Variants in EHBP1 observed in about 807,000 individuals in gnomAD.
The protein encoded by EHBP1 is EH domain binding protein 1.
Under a neutral mutation model 144.0 loss-of-function variants are expected in EHBP1, and 55 were observed. The observed-to-expected ratio is 0.38, with a 90% CI of 0.31 to 0.48. EHBP1 has a LOEUF of 0.48. Among genes scored for constraint, EHBP1 ranks in the 20% least tolerant of loss-of-function variants. The pLI, the probability that EHBP1 is intolerant of heterozygous loss-of-function variation, is 0.98. For synonymous variants in EHBP1, 469 were observed against 472.7 expected, an observed-to-expected ratio of 0.99 and a Z score of 0.10; for missense variants, 1,200 against 1,364.2, an observed-to-expected ratio of 0.88 and a Z score of 1.90.
chr2:62,905,765 A>C (rs983656250), intron 10 of EHBP1, among the ~76,000 whole-genome samples: 7 of 152,060 alleles, frequency 4.6e-5, no homozygotes, highest in Non-Finnish European at 1.0e-4. Flanking sequence ...CAGAGGTTGA[A>C]GTGAGCCGAG....
chr2:63,045,293 C>T lies in EHBP1; in HGVS notation c.3392+113C>T, dbSNP rs969756639. ...AGGGCCGGGGCAGCCTCCCACTGGC[C>T]TGGTGCTCCCCATTCCCGCTGGGGA... On this transcript the variant is annotated intron_variant, in intron 22 of 22. Coordinates refer to ENST00000431489, the MANE Select transcript of EHBP1 (RefSeq NM_001142616.3). This position sits in a 1 kb window ranked among gnomAD's most constrained non-coding sequence, Gnocchi z 5.7. The T allele has an allele frequency of 2.9e-6, 4 of 1,358,222 alleles. No individual in the cohort carries two copies. In the African/African-American group the frequency reaches 4.3e-5, roughly 15 times the overall value. 84.1% of individuals were successfully genotyped at this position (1,358,222 alleles called of 1,614,324 possible).
At chr2:63,010,742 A>G (rs569056337) in intron 19 of EHBP1, among the ~76,000 whole-genome samples, 2 of 151,790 alleles carry the variant, frequency 1.3e-5, no homozygotes, top group South Asian at 2.1e-4. Context: ...TATTGTTAAA[A>G]TATTGTTAGA....
rs577360488 is a variant in EHBP1 at position 62,824,509 on chromosome 2, T to C, written c.313-1578T>C. On this transcript the variant is annotated intron_variant, in intron 5 of 22. Transcript: ENST00000431489. Reference sequence around the variant, plus strand: ...CTTAATCTTATTCTTTGATTGACAGTAGCAACCAGGGAAAGAACACTTGTA... The same window carrying C: ...CTTAATCTTATTCTTTGATTGACAGCAGCAACCAGGGAAAGAACACTTGTA... 7.9e-5 allele frequency among the ~76,000 whole-genome samples: 12 copies of C among 152,134 alleles called. 1 individual carries two copies. The East Asian group carries it at 2.3e-3, about 29-fold the overall frequency.
At chr2:62,751,052 G>C (rs140370029) in intron 3 of EHBP1, among the ~76,000 whole-genome samples, 130 of 152,270 alleles carry the variant, frequency 8.5e-4, no homozygotes, top group African/African-American at 3.1e-3. Context: ...GGGCATCCCT[G>C]TCTTGTGTGA....
At chr2:62,869,702 T>C (rs1246694886) in intron 9 of EHBP1, among the ~76,000 whole-genome samples, 1 of 152,226 alleles carries the variant, frequency 6.6e-6, no homozygotes, top group Non-Finnish European at 1.5e-5. Flanking sequence ...TTTGTTATCT[T>C]GATTTGTGCT....
In EHBP1 at chr2:62,753,328, C is replaced by T. The variant is rs552329653; in HGVS notation, c.162+5876C>T. ...TTTCTTTAAGAATGTTGAATATTGG[C>T]CCCCACTCTCTTCTGGCTTGTAGAG... is the stretch of plus-strand genomic sequence containing the variant. On this transcript the variant is annotated intron_variant, in intron 3 of 22. Coordinates refer to ENST00000431489, the MANE Select transcript of EHBP1 (RefSeq NM_001142616.3). 4.9e-3 allele frequency among the ~76,000 whole-genome samples: 750 copies of T among 152,166 alleles called. 2 individuals are homozygous for T. Among genetic ancestry groups the T allele is most frequent in the Non-Finnish European group, 8.6e-3 (587 of 67,990 alleles).
intron 10 of EHBP1, chr2:62,940,118 C>A: frequency 2.4e-6 from 1 of 419,906 alleles, no homozygotes; most frequent in South Asian, 1.8e-5. Context: ...CTTTGAGAAT[C>A]ACTACAAGAA....
At chr2:62,820,199 G>A (rs1197358927) in intron 5 of EHBP1, among the ~76,000 whole-genome samples, 1 of 113,590 alleles carries the variant, frequency 8.8e-6, no homozygotes, top group African/African-American at 3.2e-5. Flanking sequence ...CAACAAGAGT[G>A]AAACTCTTGT....
At chr2:62,879,157 G>A (rs759075582) in intron 10 of EHBP1, among the ~76,000 whole-genome samples, 3 of 151,906 alleles carry the variant, frequency 2.0e-5, no homozygotes, top group South Asian at 2.1e-4. Context: ...AATAAGAGCC[G>A]TCTATGACAG....
At chr2:62,829,101 G>A (rs575389421) in intron 6 of EHBP1, among the ~76,000 whole-genome samples, 2 of 150,960 alleles carry the variant, frequency 1.3e-5, no homozygotes, top group South Asian at 4.2e-4. Flanking sequence ...GGCTTATAGA[G>A]TGAGACCCTG....
chr2:62,944,990 T>C (rs892153445), intron 12 of EHBP1, among the ~76,000 whole-genome samples: 2 of 152,194 alleles, frequency 1.3e-5, no homozygotes, highest in Non-Finnish European at 2.9e-5. Context: ...AAAAATACAT[T>C]TTACTTTCAT....
chr2:62,943,034 A>G lies in EHBP1; in HGVS notation c.1364+138A>G, dbSNP rs531170519. 1.5e-4 allele frequency: 102 copies of G among 658,102 alleles called. No individual in the cohort carries two copies. The East Asian group carries it at 2.4e-3, about 16-fold the overall frequency. The allele number at this position is 658,102 out of a possible 1,614,324, so 40.8% of individuals were successfully genotyped here. A position where few individuals can be genotyped will look rare whatever the true frequency, so the allele number is the denominator to read the frequency against. On this transcript the variant is annotated intron_variant, in intron 11 of 22. Coordinates refer to ENST00000431489, the MANE Select transcript of EHBP1 (RefSeq NM_001142616.3). ...CCCACCTCTTGCTTTTGAGAGATAT[A>G]TGTCAGAAAGCTTTTCCTTTTTCAT...
chr2:62,695,910 G>A (rs765010064), intron 1 of EHBP1, among the ~76,000 whole-genome samples: 41 of 151,886 alleles, frequency 2.7e-4, no homozygotes, highest in Middle Eastern at 3.4e-3. Context: ...ACAGGGTTTT[G>A]ACACGTTGCT....
At chr2:63,001,725 A>G (rs976208240) in intron 19 of EHBP1, among the ~76,000 whole-genome samples, 3 of 152,156 alleles carry the variant, frequency 2.0e-5, no homozygotes, top group African/African-American at 7.2e-5. Context: ...TTAGTTGCCC[A>G]ATTCATACAG....
chr2:62,859,700 A>G (rs1057316088), intron 8 of EHBP1, among the ~76,000 whole-genome samples: 1 of 152,172 alleles, frequency 6.6e-6, no homozygotes, highest in Non-Finnish European at 1.5e-5. Flanking sequence ...TAGTAGTGAG[A>G]GTGAGTTATG....
chr2:62,704,916 C>T (rs888997412), upstream of EHBP1, among the ~76,000 whole-genome samples: 2 of 152,178 alleles, frequency 1.3e-5, no homozygotes, highest in African/African-American at 2.4e-5. Flanking sequence ...TATATGCTAG[C>T]TGTTCCCAAA....
At chr2:62,840,633 A>G (rs1381516988) in intron 7 of EHBP1, among the ~76,000 whole-genome samples, 1 of 151,998 alleles carries the variant, frequency 6.6e-6, no homozygotes, top group Admixed American at 6.6e-5. Flanking sequence ...GAACACAAAC[A>G]AATTTACAAG....
At chr2:62,681,155 A>G (rs2033500244) in intron 1 of EHBP1, among the ~76,000 whole-genome samples, 1 of 151,158 alleles carries the variant, frequency 6.6e-6, no homozygotes, top group Non-Finnish European at 1.5e-5. Flanking sequence ...TCTACTAAAA[A>G]TACAAAGATT....
At chr2:62,725,941 C>G (rs1315244016) in intron 2 of EHBP1, among the ~76,000 whole-genome samples, 1 of 151,988 alleles carries the variant, frequency 6.6e-6, no homozygotes, top group East Asian at 1.9e-4. Context: ...AAGTTGTGGG[C>G]CCCTAGGGCG....
Sources: gnomAD v4.1 joint callset for allele counts (sites outside exome capture counted in the v4.1 genomes callset) on GRCh38, gnomAD v4.1.1 for gene constraint, Gnocchi (gnomAD v3.1) non-coding constraint, MANE v1.5 for transcripts, NCBI Gene and HGNC (gene_info 2026-07-23, HGNC 2026-07-21) for gene names.